NKAIN2: variants seen among roughly 807,000 people sequenced by gnomAD.
The protein encoded by NKAIN2 is sodium/potassium transporting ATPase interacting 2, also known as sodium/potassium-transporting ATPase subunit beta-1-interacting protein 2.
Under a neutral mutation model 32.6 loss-of-function variants are expected in NKAIN2, and 14 were observed. That is an observed-to-expected ratio of 0.43 (90% CI 0.28 to 0.67). The LOEUF (loss-of-function observed/expected upper bound fraction) is 0.67. Among genes scored for constraint, NKAIN2 ranks in the 30% least tolerant of loss-of-function variants. NKAIN2 has a pLI of 0.17. For synonymous variants in NKAIN2, 80 were observed against 87.2 expected (o/e 0.92, Z 0.46); for missense variants, 198 against 258.3 (o/e 0.77, Z 1.60).
chr6:124,605,268 TAG>T (rs1193192273), intron 3 of NKAIN2, among the ~76,000 whole-genome samples: 1 of 152,062 alleles, frequency 6.6e-6, no homozygotes, highest in Admixed American at 6.6e-5. Flanking sequence ...GTTGGTGGTA[TAG>T]AGAGAGTTGT....
intron 4 of NKAIN2, among the ~76,000 whole-genome samples, chr6:124,772,775 G>C (rs915141279): frequency 6.6e-6 from 1 of 152,116 alleles, no homozygotes; most frequent in Non-Finnish European, 1.5e-5. Flanking sequence ...ATTACTTAAA[G>C]TTCTGTTAAC....
chr6:124,169,508 A>G (rs550064398), intron 1 of NKAIN2, among the ~76,000 whole-genome samples: 213 of 152,262 alleles, frequency 1.4e-3, no homozygotes, highest in African/African-American at 5.1e-3. Context: ...TAGTTCCTAA[A>G]TATAGTTTCT....
intron 5 of NKAIN2, among the ~76,000 whole-genome samples, chr6:124,809,618 C>A (rs1426105091): frequency 6.7e-6 from 1 of 149,982 alleles, no homozygotes; most frequent in Non-Finnish European, 1.5e-5. Context: ...GCAACCAAAG[C>A]CAAAATTGAC....
At chr6:124,541,115 A>ACAT (rs1355867906) in intron 3 of NKAIN2, among the ~76,000 whole-genome samples, 1 of 151,844 alleles carries the variant, frequency 6.6e-6, no homozygotes, top group Non-Finnish European at 1.5e-5. Context: ...TTCCATTTTT[A>ACAT]CATACACACA....
intron 1 of NKAIN2, among the ~76,000 whole-genome samples, chr6:124,132,261 C>T (rs1240539431): frequency 6.6e-6 from 1 of 152,200 alleles, no homozygotes; most frequent in Non-Finnish European, 1.5e-5. Context: ...ACAACAAGCT[C>T]TCTCCAAGGA....
At chr6:124,460,797 G>T (rs919936801) in intron 3 of NKAIN2, among the ~76,000 whole-genome samples, 1 of 151,588 alleles carries the variant, frequency 6.6e-6, no homozygotes, top group African/African-American at 2.4e-5. Context: ...TTTTCTGTGT[G>T]ATTACTGCTT....
chr6:124,490,840 T>G (rs1285841311), intron 3 of NKAIN2, among the ~76,000 whole-genome samples: 3 of 151,816 alleles, frequency 2.0e-5, no homozygotes, highest in African/African-American at 7.2e-5. Flanking sequence ...GAGTGCATTT[T>G]ATCTAATCAC....
intron 4 of NKAIN2, among the ~76,000 whole-genome samples, chr6:124,713,502 T>C (rs1007795289): frequency 7.9e-5 from 12 of 152,190 alleles, no homozygotes; most frequent in Non-Finnish European, 1.5e-5. Context: ...TAAAGTTGCA[T>C]TAAAGGATCT....
At chr6:124,158,933 C>T (rs757128775) in intron 1 of NKAIN2, among the ~76,000 whole-genome samples, 4 of 152,112 alleles carry the variant, frequency 2.6e-5, no homozygotes, top group Non-Finnish European at 5.9e-5. Context: ...AGCCGTGCCA[C>T]GTAATGTTAG....
chr6:124,733,702 G>A (rs1052911193), intron 4 of NKAIN2, among the ~76,000 whole-genome samples: 1 of 151,668 alleles, frequency 6.6e-6, no homozygotes, highest in Admixed American at 6.6e-5. Context: ...TAGAATTGGG[G>A]ACATTAGTGT....
At chr6:124,100,270 TTAAATC>T (rs1784820866) in intron 1 of NKAIN2, among the ~76,000 whole-genome samples, 1 of 152,186 alleles carries the variant, frequency 6.6e-6, no homozygotes, top group African/African-American at 2.4e-5. Flanking sequence ...AGAAAGTAAT[TTAAATC>T]TAAAAAGAAC....
At chr6:123,820,674 G>T (rs1432272561) in intron 1 of NKAIN2, among the ~76,000 whole-genome samples, 1 of 152,042 alleles carries the variant, frequency 6.6e-6, no homozygotes, top group African/African-American at 2.4e-5. Context: ...GAGATCACAG[G>T]TTTACCAGAA....
chr6:124,821,240 A>G lies in NKAIN2; in HGVS notation c.618-1980A>G, dbSNP rs534937600. ...AACCTGGGAGGTGGAGGTTGCAGTGAGCAAAGATCGTGCCACTGCACTCCA... is the reference window on the plus strand; with the variant it reads ...AACCTGGGAGGTGGAGGTTGCAGTGGGCAAAGATCGTGCCACTGCACTCCA... On this transcript the variant is annotated intron_variant, in intron 6 of 6. Coordinates refer to ENST00000368417, the MANE Select transcript of NKAIN2 (RefSeq NM_001040214.3). 6.6e-5 allele frequency among the ~76,000 whole-genome samples: 10 copies of G among 151,958 alleles called. No homozygotes were observed. The South Asian group carries it at 1.0e-3, about 16-fold the overall frequency.
chr6:124,281,299 A>G (rs1795285046), intron 1 of NKAIN2, among the ~76,000 whole-genome samples: 1 of 152,220 alleles, frequency 6.6e-6, no homozygotes, highest in Non-Finnish European at 1.5e-5. Flanking sequence ...ATTAGCAATC[A>G]TGTTCTCAGA....
At chr6:124,780,638 T>G (rs1321939525) in intron 4 of NKAIN2, among the ~76,000 whole-genome samples, 2 of 152,184 alleles carry the variant, frequency 1.3e-5, no homozygotes, top group African/African-American at 4.8e-5. Flanking sequence ...CTTCGACACT[T>G]TGCTATCATG....
chr6:123,804,377 A>AT (rs1582556131), intron 1 of NKAIN2, 123 bp downstream of exon 1: 1 of 822,244 alleles, frequency 1.2e-6, no homozygotes, highest in East Asian at 2.5e-5. Context: ...GGTGACAGAT[A>AT]TATTGCCTAT....
At chr6:123,973,236 C>A (rs929396906) in intron 1 of NKAIN2, among the ~76,000 whole-genome samples, 1 of 152,014 alleles carries the variant, frequency 6.6e-6, no homozygotes, top group Admixed American at 6.6e-5. Flanking sequence ...TCTTGGCTTG[C>A]AGATTAAACT....
intron 3 of NKAIN2, among the ~76,000 whole-genome samples, chr6:124,558,146 G>GA (rs1375864598): frequency 1.3e-5 from 2 of 152,156 alleles, no homozygotes; most frequent in East Asian, 3.9e-4. Context: ...CTAGATGGGG[G>GA]AAAAACAATA....
At chr6:124,734,380 T>C (rs764168283) in intron 4 of NKAIN2, among the ~76,000 whole-genome samples, 4 of 151,830 alleles carry the variant, frequency 2.6e-5, no homozygotes, top group Non-Finnish European at 5.9e-5. Flanking sequence ...TTCACTGTAT[T>C]TTGCAAAGTG....
Sources: allele counts gnomAD v4.1 joint callset (sites outside exome capture counted in the v4.1 genomes callset), GRCh38; gene constraint gnomAD v4.1.1; transcripts MANE v1.5; gene names NCBI Gene and HGNC (gene_info 2026-07-23, HGNC 2026-07-21).